Variants in LARGE1 observed in about 807,000 individuals in gnomAD.
The protein encoded by LARGE1 is xylosyl- and glucuronyltransferase LARGE1.
A neutral mutation model predicts 87.6 loss-of-function variants in LARGE1; 43 were observed. The ratio of observed to expected loss-of-function variants is 0.49; its 90% CI spans 0.38 to 0.63. The LOEUF is 0.63. Ranked by LOEUF, LARGE1 falls within the 30% of genes least tolerant of loss-of-function variation. LARGE1 has a pLI of 0.00. For missense variants in LARGE1, 802 were observed against 1,000.2 expected, an observed-to-expected ratio of 0.80 and a Z score of 2.67; for synonymous variants, 434 against 394.6, an observed-to-expected ratio of 1.10 and a Z score of -1.18.
chr22:33,827,997 A>G (rs1042706329), intron 1 of LARGE1, among the ~76,000 whole-genome samples: 18 of 152,230 alleles, frequency 1.2e-4, no homozygotes, highest in African/African-American at 4.3e-4. Flanking sequence ...GAACTAGAAT[A>G]AAAGAGATGA....
intron 4 of LARGE1, among the ~76,000 whole-genome samples, chr22:33,606,043 G>A (rs1381963110): frequency 6.6e-6 from 1 of 152,158 alleles, no homozygotes; most frequent in Non-Finnish European, 1.5e-5. Context: ...GGGGGCCGGG[G>A]GCGGAGGGGC....
intron 6 of LARGE1, among the ~76,000 whole-genome samples, chr22:33,435,426 C>T (rs2067232870): frequency 6.6e-6 from 1 of 152,198 alleles, no homozygotes; most frequent in Non-Finnish European, 1.5e-5. Flanking sequence ...CAAGATACTA[C>T]AAGGTGTAGT....
At chr22:33,524,524 C>T (rs2071783710) in intron 6 of LARGE1, among the ~76,000 whole-genome samples, 1 of 151,986 alleles carries the variant, frequency 6.6e-6, no homozygotes, top group South Asian at 2.1e-4. Context: ...CACATAACGT[C>T]TCACCCCTCA....
At chr22:33,640,870 C>T (rs1430635005) in intron 3 of LARGE1, among the ~76,000 whole-genome samples, 1 of 152,170 alleles carries the variant, frequency 6.6e-6, no homozygotes, top group African/African-American at 2.4e-5. Context: ...CTCTAGATTC[C>T]TCCTCACTGG....
At chr22:33,807,079 T>C (rs1173795505) in intron 1 of LARGE1, among the ~76,000 whole-genome samples, 1 of 152,174 alleles carries the variant, frequency 6.6e-6, no homozygotes, top group Admixed American at 6.5e-5. Context: ...ATAGGCAGTT[T>C]GTTTGCAGCA....
chr22:33,142,914 G>A, the LARGE1 span, among the ~76,000 whole-genome samples: 2 of 152,184 alleles, frequency 1.3e-5, no homozygotes, highest in Non-Finnish European at 2.9e-5. Flanking sequence ...AGAACATATG[G>A]AGAGCAAGGG....
intron 12 of LARGE1, among the ~76,000 whole-genome samples, chr22:33,284,825 T>C (rs563971625): frequency 2.0e-5 from 3 of 152,286 alleles, no homozygotes; most frequent in Admixed American, 6.5e-5. Flanking sequence ...TCCGCCCGCC[T>C]TGGCCTCCCA....
intron 2 of LARGE1, among the ~76,000 whole-genome samples, chr22:33,720,834 T>C (rs189233746): frequency 6.6e-6 from 1 of 152,268 alleles, no homozygotes; most frequent in East Asian, 1.9e-4. Context: ...TGATCTGGTG[T>C]CACGGCAGAG....
At chr22:33,437,209 G>A (rs1295708889) in intron 6 of LARGE1, among the ~76,000 whole-genome samples, 1 of 152,174 alleles carries the variant, frequency 6.6e-6, no homozygotes, top group Non-Finnish European at 1.5e-5. Flanking sequence ...AATTTCACCT[G>A]CAGGGTGACT....
intron 3 of LARGE1, among the ~76,000 whole-genome samples, chr22:33,633,191 C>T (rs550647351): frequency 6.6e-6 from 1 of 152,252 alleles, no homozygotes; most frequent in East Asian, 1.9e-4. Context: ...GGTGTGGAGG[C>T]AATTTGATAG....
At chr22:33,346,396 C>A (rs7284400) in intron 9 of LARGE1, among the ~76,000 whole-genome samples, 51,128 of 151,558 alleles carry the variant, frequency 0.34, 8,892 homozygotes, top group African/African-American at 0.41. Flanking sequence ...TCCACCTCCC[C>A]GGTTTAAGCG....
At chr22:33,643,458 T>C (rs562112449) in intron 3 of LARGE1, among the ~76,000 whole-genome samples, 37 of 152,254 alleles carry the variant, frequency 2.4e-4, no homozygotes, top group Admixed American at 2.4e-3. Context: ...AGATCTAAAA[T>C]TGACACCCTA....
intron 12 of LARGE1, among the ~76,000 whole-genome samples, chr22:33,295,553 C>T (rs980209314): frequency 1.3e-5 from 2 of 152,174 alleles, no homozygotes; most frequent in African/African-American, 4.8e-5. Context: ...AATACGTGGG[C>T]AGAGAGGAAG....
intron 2 of LARGE1, among the ~76,000 whole-genome samples, chr22:33,743,606 G>A (rs777786871): frequency 7.9e-5 from 12 of 152,158 alleles, no homozygotes; most frequent in Non-Finnish European, 7.3e-5. Flanking sequence ...CTACCCAGCC[G>A]GTGATCTGGC....
At chr22:33,480,661 CA>C (rs960889974) in intron 6 of LARGE1, among the ~76,000 whole-genome samples, 16 of 151,396 alleles carry the variant, frequency 1.1e-4, no homozygotes, top group African/African-American at 2.2e-4. Flanking sequence ...GATGATAAAA[CA>C]AAAAAAATTC....
At chr22:33,653,843 T>C (rs2080887437) in intron 2 of LARGE1, among the ~76,000 whole-genome samples, 1 of 152,134 alleles carries the variant, frequency 6.6e-6, no homozygotes, top group African/African-American at 2.4e-5. Context: ...CTTTGAGATA[T>C]ACTCCAAGAG....
chr22:33,631,984 G>A (rs906518095), intron 3 of LARGE1, among the ~76,000 whole-genome samples: 3 of 152,164 alleles, frequency 2.0e-5, no homozygotes. Flanking sequence ...ATGTCATTAT[G>A]TAACACATGA....
intron 4 of LARGE1, among the ~76,000 whole-genome samples, chr22:33,610,710 G>C (rs753850570): frequency 2.0e-5 from 3 of 152,098 alleles, no homozygotes; most frequent in Admixed American, 6.5e-5. Context: ...GGCCAGGTAC[G>C]ACAGCCAAGA....
intron 5 of LARGE1, chr22:33,572,082 T>C (rs2078222029): frequency 3.6e-6 from 2 of 560,370 alleles, no homozygotes; most frequent in East Asian, 6.8e-5. Flanking sequence ...TTACTATATA[T>C]GTAATCTGTA....
Sources: allele counts gnomAD v4.1 joint callset (sites outside exome capture counted in the v4.1 genomes callset), GRCh38; gene constraint gnomAD v4.1.1; transcripts MANE v1.5; gene names NCBI Gene and HGNC (gene_info 2026-07-23, HGNC 2026-07-21).